Variants in PHKB observed in about 807,000 individuals in gnomAD.
PHKB encodes phosphorylase b kinase regulatory subunit beta.
PHKB carries 122 observed loss-of-function variants against 152.1 expected under a neutral mutation model. The observed-to-expected ratio is 0.80, with a 90% CI of 0.69 to 0.93. The LOEUF is 0.93. PHKB is among the 40% of genes least tolerant of loss of function. The pLI, the probability that PHKB is intolerant of heterozygous loss-of-function variation, is 0.00. For synonymous variants in PHKB, 436 were observed against 464.9 expected, an observed-to-expected ratio of 0.94 and a Z score of 0.80; for missense variants, 1,304 against 1,328.4, an observed-to-expected ratio of 0.98 and a Z score of 0.29.
chr16:47,569,888 G>T (rs1185717062), intron 7 of PHKB, among the ~76,000 whole-genome samples: 1 of 152,184 alleles, frequency 6.6e-6, no homozygotes. Flanking sequence ...CTCCCAAAGT[G>T]CTGGTATTAC....
chr16:47,650,431 T>C (rs1377740465), intron 18 of PHKB, 113 bp from the exon 19 acceptor site: 3 of 725,602 alleles, frequency 4.1e-6, no homozygotes, highest in Admixed American at 1.9e-5. Flanking sequence ...CAGGGTTGGA[T>C]TGTGAACTGT....
At chr16:47,576,600 CT>C (rs1971753641) in intron 7 of PHKB, among the ~76,000 whole-genome samples, 1 of 152,138 alleles carries the variant, frequency 6.6e-6, no homozygotes. Context: ...TTTGTCTATT[CT>C]TTCAGTTCTG....
chr16:47,649,230 A>G, intron 18 of PHKB, 26 bp downstream of exon 18: 1 of 1,190,922 alleles, frequency 8.4e-7, no homozygotes, highest in Non-Finnish European at 1.3e-6. Context: ...CTTTCTTAAA[A>G]ATGGAATGAG....
chr16:47,614,167 G>C (rs1972476086), intron 14 of PHKB, among the ~76,000 whole-genome samples: 1 of 152,270 alleles, frequency 6.6e-6, no homozygotes, highest in Admixed American at 6.5e-5. Context: ...AGGAGAGTGA[G>C]GGGGAGGGCC....
At chr16:47,659,074 C>A (rs1300042164) in intron 20 of PHKB, among the ~76,000 whole-genome samples, 3 of 152,176 alleles carry the variant, frequency 2.0e-5, no homozygotes, top group Non-Finnish European at 4.4e-5. Flanking sequence ...TAGGCACAGA[C>A]CCTGCTCTTA....
intron 20 of PHKB, 144 bp from the exon 21 acceptor site, chr16:47,660,362 T>G: frequency 1.5e-6 from 1 of 685,634 alleles, no homozygotes; most frequent in Non-Finnish European, 2.6e-6. Flanking sequence ...TTTAGAATGT[T>G]CATTTAAGAA....
chr16:47,628,634 G>A (rs1213179338), intron 14 of PHKB, among the ~76,000 whole-genome samples: 5 of 152,092 alleles, frequency 3.3e-5, no homozygotes, highest in African/African-American at 1.2e-4. Context: ...TAACAGAAAA[G>A]GCAGTCGTTT....
intron 6 of PHKB, among the ~76,000 whole-genome samples, chr16:47,519,111 C>T (rs1026407679): frequency 6.6e-6 from 1 of 152,114 alleles, no homozygotes; most frequent in Non-Finnish European, 1.5e-5. Context: ...AAAAATTGTG[C>T]ACAAAACTGT....
intron 8 of PHKB, among the ~76,000 whole-genome samples, chr16:47,583,878 C>A (rs1271590574): frequency 6.6e-6 from 1 of 151,962 alleles, no homozygotes; most frequent in Non-Finnish European, 1.5e-5. Flanking sequence ...AAGAGGTATC[C>A]ATTTCACAAA....
intron 6 of PHKB, among the ~76,000 whole-genome samples, chr16:47,539,943 C>T (rs1014406394): frequency 5.3e-5 from 8 of 152,100 alleles, no homozygotes; most frequent in South Asian, 4.1e-4. Flanking sequence ...AGAATAACAG[C>T]GATTTTTAGG....
intron 26 of PHKB, among the ~76,000 whole-genome samples, chr16:47,673,642 A>T (rs1973674843): frequency 6.6e-6 from 1 of 152,166 alleles, no homozygotes; most frequent in South Asian, 2.1e-4. Flanking sequence ...TCCAGTAACG[A>T]TCTAAGAGGA....
intron 11 of PHKB, 136 bp from the exon 12 acceptor site, chr16:47,594,001 T>C: frequency 1.6e-6 from 1 of 616,304 alleles, no homozygotes; most frequent in South Asian, 2.0e-5. Context: ...TGCATTTTTT[T>C]TCCACTTTAA....
intron 7 of PHKB, chr16:47,565,513 T>G: frequency 7.6e-7 from 1 of 1,310,916 alleles, no homozygotes. Context: ...TAGGGGCTGA[T>G]CAGGTTTGGG....
At chr16:47,565,250 C>T in intron 7 of PHKB, 1 of 699,350 alleles carries the variant, frequency 1.4e-6, no homozygotes, top group Non-Finnish European at 2.7e-6. Context: ...TGACTCCGTT[C>T]AGTGGTCTTT....
rs1974210755 is a variant in PHKB, at chr16:47,699,422, C to G, written c.*56C>G. ...ACATGTTCTGAAGTGTGTTGTGTTT[C>G]ATGTTCAAGCTTAATCAAGGCAGCC... On this transcript the variant is annotated 3_prime_UTR_variant, in exon 31 of 31. Transcript: ENST00000323584. The G allele has an allele frequency of 6.3e-7, 1 of 1,596,378 alleles. No individual in the cohort carries two copies. Among genetic ancestry groups the G allele is most frequent in the African/African-American group, 1.3e-5 (1 of 74,550 alleles).
At chr16:47,517,007 T>G (rs1170066008) in intron 6 of PHKB, among the ~76,000 whole-genome samples, 1 of 152,142 alleles carries the variant, frequency 6.6e-6, no homozygotes, top group East Asian at 1.9e-4. Flanking sequence ...GGAAAGGAGC[T>G]GGGAAACTCC....
At chr16:47,588,785 C>CA in intron 9 of PHKB, 120 bp from the exon 10 acceptor site, 2 of 788,014 alleles carry the variant, frequency 2.5e-6, no homozygotes, top group South Asian at 2.8e-5. Flanking sequence ...ATCCTGGGAG[C>CA]AGAGCGTGCT....
In PHKB at chr16:47,648,521, T is replaced by A; in HGVS notation, c.1609-12T>A. 6.3e-7 allele frequency: 1 copy of A among 1,589,234 alleles called. No homozygotes were observed. Among genetic ancestry groups the A allele is most frequent in the Non-Finnish European group, 8.6e-7 (1 of 1,157,520 alleles). ...CTTACCTGACTCTAATTTACAAACT[T>A]GTGTCTTACAGGCTTATTTGCAGCT... On this transcript the variant is annotated splice_polypyrimidine_tract_variant and intron_variant, in intron 16 of 30. Coordinates refer to ENST00000323584, the MANE Select transcript of PHKB (RefSeq NM_000293.3).
chr16:47,507,332 T>C (rs1465889856), intron 4 of PHKB, among the ~76,000 whole-genome samples: 4 of 151,920 alleles, frequency 2.6e-5, no homozygotes, highest in Non-Finnish European at 5.9e-5. Flanking sequence ...TTTTTTCCTA[T>C]GTAGCTATGA....
Sources: gnomAD v4.1 joint callset for allele counts (sites outside exome capture counted in the v4.1 genomes callset) on GRCh38, gnomAD v4.1.1 for gene constraint, MANE v1.5 for transcripts, NCBI Gene and HGNC (gene_info 2026-07-23, HGNC 2026-07-21) for gene names.